PIGK: variants seen among roughly 807,000 people sequenced by gnomAD.
PIGK encodes GPI-anchor transamidase.
PIGK carries 42 observed loss-of-function variants against 50.6 expected under a neutral mutation model. The observed-to-expected ratio is 0.83, with a 90% CI of 0.65 to 1.07. The LOEUF (loss-of-function observed/expected upper bound fraction) is 1.07. Ranked by LOEUF, PIGK falls within the 50% of genes least tolerant of loss-of-function variation. The pLI is 0.00. For missense variants in PIGK, 448 were observed against 488.7 expected, an observed-to-expected ratio of 0.92 and a Z score of 0.78; for synonymous variants, 151 against 156.0, an observed-to-expected ratio of 0.97 and a Z score of 0.24.
intron 10 of PIGK, among the ~76,000 whole-genome samples, chr1:77,100,886 C>A (rs1403594430): frequency 1.3e-5 from 2 of 152,134 alleles, no homozygotes; most frequent in Admixed American, 6.6e-5. Flanking sequence ...GAACTGAATT[C>A]TTTTAAACAG....
At chr1:77,104,940 C>A (rs1272938130) in intron 10 of PIGK, among the ~76,000 whole-genome samples, 1 of 152,170 alleles carries the variant, frequency 6.6e-6, no homozygotes, top group Non-Finnish European at 1.5e-5. Flanking sequence ...GGCCCCTTGC[C>A]TCAGTGCATG....
intron 8 of PIGK, among the ~76,000 whole-genome samples, chr1:77,155,418 C>G (rs1031390285): frequency 6.6e-6 from 1 of 152,182 alleles, no homozygotes; most frequent in Non-Finnish European, 1.5e-5. Flanking sequence ...AGAATTCATA[C>G]TGTTACTTTC....
chr1:77,108,961 T>C (rs1041044040), intron 10 of PIGK, among the ~76,000 whole-genome samples: 7 of 152,200 alleles, frequency 4.6e-5, no homozygotes, highest in South Asian at 2.1e-4. Flanking sequence ...TAAGGACTTC[T>C]CTACATTGGT....
At chr1:77,140,666 T>C (rs534535147) in intron 9 of PIGK, among the ~76,000 whole-genome samples, 1 of 152,294 alleles carries the variant, frequency 6.6e-6, no homozygotes, top group South Asian at 2.1e-4. Flanking sequence ...GGTTTTACTA[T>C]ATCTAACTTT....
intron 9 of PIGK, among the ~76,000 whole-genome samples, chr1:77,140,677 C>G (rs1654630490): frequency 6.6e-6 from 1 of 151,926 alleles, no homozygotes; most frequent in East Asian, 1.9e-4. Context: ...ATCTAACTTT[C>G]AAAGAAATAG....
chr1:77,206,480 A>G (rs1195179933), intron 3 of PIGK, among the ~76,000 whole-genome samples, 160 bp downstream of exon 3: 1 of 152,100 alleles, frequency 6.6e-6, no homozygotes. Flanking sequence ...GTAACATCTA[A>G]TTTATACATG....
intron 9 of PIGK, among the ~76,000 whole-genome samples, chr1:77,148,552 C>A (rs924235466): frequency 1.3e-5 from 2 of 151,972 alleles, no homozygotes; most frequent in African/African-American, 4.8e-5. Flanking sequence ...GAACATATAA[C>A]AAAACAATTT....
chr1:77,140,206 C>T (rs958849236), intron 9 of PIGK, among the ~76,000 whole-genome samples: 5 of 151,894 alleles, frequency 3.3e-5, no homozygotes, highest in African/African-American at 1.2e-4. Context: ...AAGATATGGT[C>T]GTTTAAAAGT....
intron 9 of PIGK, among the ~76,000 whole-genome samples, chr1:77,140,100 A>C (rs770579063): frequency 4.6e-5 from 7 of 152,080 alleles, no homozygotes; most frequent in Non-Finnish European, 8.8e-5. Context: ...TGTAATCCCC[A>C]ATGCTGGAGG....
chr1:77,128,390 T>C (rs1233412762), intron 9 of PIGK, among the ~76,000 whole-genome samples: 2 of 152,188 alleles, frequency 1.3e-5, no homozygotes, highest in Non-Finnish European at 1.5e-5. Context: ...GTTTCCAATG[T>C]AGTATAAAAA....
chr1:77,178,537 C>T (rs1259403551), intron 3 of PIGK, among the ~76,000 whole-genome samples: 2 of 152,134 alleles, frequency 1.3e-5, no homozygotes, highest in Non-Finnish European at 1.5e-5. Flanking sequence ...ATACATCAAA[C>T]GTAGATTATA....
At chr1:77,214,788 A>T (rs930078695) in intron 1 of PIGK, among the ~76,000 whole-genome samples, 3 of 152,208 alleles carry the variant, frequency 2.0e-5, no homozygotes, top group Admixed American at 6.5e-5. Flanking sequence ...AACTGATAAG[A>T]CTAATTCAGT....
At chr1:77,166,971 A>G (rs1251505762) in intron 4 of PIGK, 141 bp from the exon 5 acceptor site, 11 of 579,186 alleles carry the variant, frequency 1.9e-5, no homozygotes, top group Non-Finnish European at 2.1e-5. Flanking sequence ...CCCAAAAATT[A>G]TATAACTCAA....
intron 10 of PIGK, among the ~76,000 whole-genome samples, chr1:77,113,273 A>G (rs1002295216): frequency 6.6e-6 from 1 of 152,136 alleles, no homozygotes; most frequent in Non-Finnish European, 1.5e-5. Flanking sequence ...ATGTAATAGA[A>G]AGGCAGAAAA....
Position 77,178,624 on chromosome 1 carries a change from T to C in PIGK, c.240-9229A>G, listed in dbSNP as rs188141803. ...ACTCTTTATCTAGCTCATTCTTTAA[T>C]CTATTTGATTTTAGGTGATTTGGTT... On this transcript the variant is annotated intron_variant, in intron 3 of 10. Coordinates refer to ENST00000370812, the MANE Select transcript of PIGK (RefSeq NM_005482.3). Among the ~76,000 whole-genome samples, 154 of 152,270 alleles carry C rather than the reference T, an allele frequency of 1.0e-3. 1 individual carries two copies. Among genetic ancestry groups the C allele is most frequent in the African/African-American group, 3.5e-3 (145 of 41,562 alleles).
chr1:77,117,575 G>T (rs778108778), intron 10 of PIGK, among the ~76,000 whole-genome samples: 2 of 152,282 alleles, frequency 1.3e-5, no homozygotes, highest in Non-Finnish European at 2.9e-5. Context: ...AATCTCTGAG[G>T]TGCCTGGTAC....
chr1:77,151,725 G>A (rs1447711444), intron 9 of PIGK, among the ~76,000 whole-genome samples: 1 of 151,958 alleles, frequency 6.6e-6, no homozygotes, highest in Non-Finnish European at 1.5e-5. Flanking sequence ...AAGGCATCAA[G>A]AAAGCAATCT....
chr1:77,200,650 A>C (rs1656142775), intron 3 of PIGK, among the ~76,000 whole-genome samples: 1 of 152,194 alleles, frequency 6.6e-6, no homozygotes, highest in Non-Finnish European at 1.5e-5. Flanking sequence ...GAATTCATTC[A>C]TTATAAATGT....
chr1:77,175,211 AT>A (rs755960754), intron 3 of PIGK, among the ~76,000 whole-genome samples: 3 of 152,214 alleles, frequency 2.0e-5, no homozygotes, highest in Non-Finnish European at 4.4e-5. Context: ...CAATTTACCT[AT>A]CTTGGAAATG....
Sources: gnomAD v4.1 joint callset for allele counts (sites outside exome capture counted in the v4.1 genomes callset) on GRCh38, gnomAD v4.1.1 for gene constraint, MANE v1.5 for transcripts, NCBI Gene and HGNC (gene_info 2026-07-23, HGNC 2026-07-21) for gene names.